ALOX5: variants seen among roughly 807,000 people sequenced by gnomAD.
The protein encoded by ALOX5 is polyunsaturated fatty acid 5-lipoxygenase.
ALOX5 carries 64 observed loss-of-function variants against 87.9 expected under a neutral mutation model. The observed-to-expected ratio is 0.73, with a 90% CI of 0.60 to 0.90. The LOEUF (loss-of-function observed/expected upper bound fraction) is 0.90, where lower values mean the gene tolerates loss of function less well. Ranked by LOEUF, ALOX5 falls within the 40% of genes least tolerant of loss-of-function variation. ALOX5 has a pLI of 0.00. For missense variants in ALOX5, 822 were observed against 907.5 expected (o/e 0.91, Z 1.21); for synonymous variants, 388 against 355.1 (o/e 1.09, Z -1.04).
chr10:45,440,334 C>A, intron 7 of ALOX5, 96 bp from the exon 8 acceptor site: 1 of 1,326,490 alleles, frequency 7.5e-7, no homozygotes, highest in Non-Finnish European at 1.1e-6. Flanking sequence ...TAAAGAAATT[C>A]AGATACTTCT....
At chr10:45,408,159 GAA>G (rs1422951251) in intron 3 of ALOX5, among the ~76,000 whole-genome samples, 3 of 152,098 alleles carry the variant, frequency 2.0e-5, no homozygotes, top group Non-Finnish European at 2.9e-5. Flanking sequence ...GTCTGTTAAT[GAA>G]AAGAGTCACA....
chr10:45,424,282 T>G, intron 5 of ALOX5, 135 bp downstream of exon 5: 1 of 731,464 alleles, frequency 1.4e-6, no homozygotes, highest in Admixed American at 2.1e-5. Context: ...CATGCCACCC[T>G]GGACAGCACC....
At chr10:45,435,116 C>T (rs1246570206) in intron 7 of ALOX5, among the ~76,000 whole-genome samples, 1 of 152,188 alleles carries the variant, frequency 6.6e-6, no homozygotes, top group African/African-American at 2.4e-5. Flanking sequence ...GAAGGCCCAG[C>T]TCAGTGGTAC....
At chr10:45,436,113 G>A (rs749660698) in intron 7 of ALOX5, among the ~76,000 whole-genome samples, 83 of 152,218 alleles carry the variant, frequency 5.5e-4, no homozygotes, top group Non-Finnish European at 1.0e-3. Flanking sequence ...CTTTTTAATG[G>A]TGGTGTTTTT....
Position 45,395,857 on chromosome 10 carries a change from A to G in ALOX5, c.352A>G (p.Lys118Glu), listed in dbSNP as rs753806636. 16 of 1,614,040 alleles carry G rather than the reference A, an allele frequency of 9.9e-6. No individual in the cohort carries two copies. Among genetic ancestry groups the G allele is most frequent in the African/African-American group, 2.7e-5 (2 of 74,934 alleles). The change falls in exon 3 of 14, where the codon AAG (lysine) becomes GAG (glutamate). Residue 118 changes from lysine (K) to glutamate (E), a missense_variant and splice_region_variant. Transcript: ENST00000374391. ...VEVVLRDGRAKLARDDQIHIL... is the reference protein window; with the variant it reads ...VEVVLRDGRAELARDDQIHIL... ...CTCATGTTGTTCTTTCTTTACAGCA[A>G]AGTTGGCCCGAGATGACCAAATTCA...
intron 3 of ALOX5, among the ~76,000 whole-genome samples, chr10:45,399,148 A>G (rs1840612782): frequency 6.6e-6 from 1 of 152,276 alleles, no homozygotes; most frequent in Non-Finnish European, 1.5e-5. Flanking sequence ...TTGTTACAAC[A>G]TGGATGAATC....
intron 4 of ALOX5, among the ~76,000 whole-genome samples, chr10:45,414,286 C>T (rs1841184317): frequency 6.6e-6 from 1 of 152,102 alleles, no homozygotes; most frequent in African/African-American, 2.4e-5. Flanking sequence ...TAACACCACA[C>T]ATCTACAACC....
chr10:45,423,411 G>A (rs1589031246), intron 4 of ALOX5, among the ~76,000 whole-genome samples: 1 of 152,184 alleles, frequency 6.6e-6, no homozygotes, highest in Non-Finnish European at 1.5e-5. Flanking sequence ...AGCCTGGGAA[G>A]TCTCTCCCCT....
At chr10:45,422,453 G>A (rs1841536073) in intron 4 of ALOX5, among the ~76,000 whole-genome samples, 2 of 152,278 alleles carry the variant, frequency 1.3e-5, no homozygotes, top group Non-Finnish European at 1.5e-5. Flanking sequence ...CCTCAGGGGT[G>A]GGCAGGAAGG....
At chr10:45,390,509 A>G (rs1257753819) in intron 2 of ALOX5, among the ~76,000 whole-genome samples, 1 of 152,252 alleles carries the variant, frequency 6.6e-6, no homozygotes, top group Admixed American at 6.5e-5. Context: ...CCACAGTGCA[A>G]TCAAACTAGA....
intron 4 of ALOX5, among the ~76,000 whole-genome samples, chr10:45,420,948 G>C (rs1251348996): frequency 6.6e-6 from 1 of 152,234 alleles, no homozygotes; most frequent in Non-Finnish European, 1.5e-5. Context: ...GGCTCACCGG[G>C]CACATGGCCA....
intron 3 of ALOX5, among the ~76,000 whole-genome samples, chr10:45,408,913 T>C (rs1029371561): frequency 6.6e-6 from 1 of 152,230 alleles, no homozygotes; most frequent in Admixed American, 6.5e-5. Context: ...TAATTAGTTG[T>C]CGAATGAACA....
Position 45,443,174 on chromosome 10 carries a change from T to A in ALOX5, c.1409T>A (p.Phe470Tyr). Residue 470 changes from phenylalanine to tyrosine, a missense_variant, in exon 10 of 14, where the codon TTC becomes TAC. Phe to Tyr is a conservative substitution (Grantham distance 22). Transcript: ENST00000374391. ...AGCAAAGAAGACATCCCCTACTACT[T>A]CTACCGGGACGACGGGCTCCTGGTG... ...MESKEDIPYY[F>Y]YRDDGLLVWE... 2 of 1,613,670 alleles carry A rather than the reference T, an allele frequency of 1.2e-6. No individual in the cohort carries two copies. The highest frequency in any genetic ancestry group is 2.2e-5 in the East Asian group (1 of 44,862).
intron 2 of ALOX5, among the ~76,000 whole-genome samples, chr10:45,392,271 G>A: frequency 6.6e-6 from 1 of 152,200 alleles, no homozygotes; most frequent in Non-Finnish European, 1.5e-5. Context: ...AGAAAAGGGG[G>A]AAAGGTGGGG....
At chr10:45,443,295 C>T in intron 10 of ALOX5, 79 bp downstream of exon 10, 1 of 1,581,212 alleles carries the variant, frequency 6.3e-7, no homozygotes, top group Admixed American at 1.7e-5. Context: ...CTGGCCCCTC[C>T]ACCGCTAGCG....
chr10:45,416,660 ACAAT>A (rs1379855093), intron 4 of ALOX5, among the ~76,000 whole-genome samples: 1 of 152,190 alleles, frequency 6.6e-6, no homozygotes, highest in Non-Finnish European at 1.5e-5. Context: ...GGACAGATGG[ACAAT>A]CAAACCGATG....
chr10:45,375,921 A>G (rs575046899), intron 1 of ALOX5, among the ~76,000 whole-genome samples: 83 of 152,338 alleles, frequency 5.4e-4, no homozygotes, highest in African/African-American at 1.9e-3. Context: ...TTTCTGACGC[A>G]CCTTCATTTA....
intron 2 of ALOX5, among the ~76,000 whole-genome samples, chr10:45,391,033 C>CTCTCCCA (rs1840214022): frequency 9.4e-6 from 1 of 105,872 alleles, no homozygotes; most frequent in Non-Finnish European, 1.9e-5. Flanking sequence ...CCCCTCTCCC[C>CTCTCCCA]TCTCCCATCT....
At position 45,374,252 on chromosome 10, in the gene ALOX5, G is replaced by A. The variant is rs72561472; in HGVS notation, c.-28G>A. On this transcript the variant is annotated 5_prime_UTR_variant, in exon 1 of 14. Coordinates refer to ENST00000374391, the MANE Select transcript of ALOX5 (RefSeq NM_000698.5). Reference sequence around the variant, plus strand: ...CCTGGACCGCCGCGCCGAGGCTCCCGGCGCTCGCTGCTCCCGCGGCCCGCG... The same window carrying A: ...CCTGGACCGCCGCGCCGAGGCTCCCAGCGCTCGCTGCTCCCGCGGCCCGCG... 1.7e-5 allele frequency: 24 copies of A among 1,450,382 alleles called. No individual in the cohort carries two copies. The African/African-American group carries it at 2.4e-4, about 14-fold the overall frequency. 89.8% of individuals were successfully genotyped at this position (1,450,382 alleles called of 1,614,324 possible).
Sources: gnomAD v4.1 joint callset for allele counts (sites outside exome capture counted in the v4.1 genomes callset) on GRCh38, gnomAD v4.1.1 for gene constraint, MANE v1.5 for transcripts, NCBI Gene and HGNC (gene_info 2026-07-23, HGNC 2026-07-21) for gene names.